Variants in ANLN observed in about 807,000 individuals in gnomAD.
ANLN encodes anillin, actin binding protein.
A neutral mutation model predicts 135.1 loss-of-function variants in ANLN; 59 were observed. The observed-to-expected ratio is 0.44, with a 90% CI of 0.35 to 0.54. The LOEUF is 0.54. Ranked by LOEUF, ANLN falls within the 20% of genes least tolerant of loss-of-function variation. The pLI, the probability that ANLN is intolerant of heterozygous loss-of-function variation, is 0.00. For missense variants in ANLN, 1,182 were observed against 1,340.0 expected (o/e 0.88, Z 1.84); for synonymous variants, 406 against 456.4 (o/e 0.89, Z 1.41).
chr7:36,448,953 G>T (rs997644331), intron 22 of ANLN: 1 of 152,216 alleles, frequency 6.6e-6, no homozygotes, highest in Non-Finnish European at 1.5e-5. Context: ...CACCAGTGAT[G>T]CATAAGAAAC....
chr7:36,449,882 T>C (rs1360605026), intron 23 of ANLN, 45 bp downstream of exon 23: 1 of 1,566,200 alleles, frequency 6.4e-7, no homozygotes, highest in African/African-American at 1.4e-5. Context: ...AGCAATTGAT[T>C]GCCCACTATG....
At chr7:36,395,685 G>A (rs540518759) in intron 1 of ANLN, among the ~76,000 whole-genome samples, 15 of 151,954 alleles carry the variant, frequency 9.9e-5, no homozygotes, top group Admixed American at 5.9e-4. Context: ...GTGCTCAGCC[G>A]GGCTGTTCTT....
At chr7:36,390,086 C>T in intron 1 of ANLN, 42 bp downstream of exon 1, 1 of 1,612,680 alleles carries the variant, frequency 6.2e-7, no homozygotes, top group East Asian at 2.2e-5. Context: ...ACCCACCGCT[C>T]TAGGCCCCCA....
In ANLN at chr7:36,396,369, G is replaced by T; in HGVS notation, c.122G>T (p.Arg41Ile). ...PRSMTHAKRARQPLSEASNQQ... is the reference protein window; with the variant it reads ...PRSMTHAKRAIQPLSEASNQQ... ...TCTATGACTCATGCTAAGCGAGCTAGACAGCCACTTTCAGAAGCAAGTAAC... is the reference window on the plus strand; with the variant it reads ...TCTATGACTCATGCTAAGCGAGCTATACAGCCACTTTCAGAAGCAAGTAAC... Residue 41 changes from arginine to isoleucine, a missense_variant, in exon 2 of 24, where the codon AGA becomes ATA. Arg to Ile is a moderately conservative substitution (Grantham distance 97). Around this residue, in one of 3 missense-constraint regions of ANLN, gnomAD observed 1,022 missense variants for 1,134.0 expected, o/e 0.90. Transcript: ENST00000265748. The T allele has an allele frequency of 6.2e-7, 1 of 1,603,274 alleles. No homozygotes were observed. The highest frequency in any genetic ancestry group is 8.5e-7 in the Non-Finnish European group (1 of 1,171,634).
chr7:36,450,531 T>C (rs945489791), intron 23 of ANLN, among the ~76,000 whole-genome samples: 2 of 152,032 alleles, frequency 1.3e-5, no homozygotes, highest in African/African-American at 2.4e-5. Context: ...AATGTGAAAA[T>C]ATTAGAAAGC....
At chr7:36,424,434 G>C (rs1787998518) in intron 15 of ANLN, 111 bp from the exon 16 acceptor site, 2 of 846,058 alleles carry the variant, frequency 2.4e-6, no homozygotes, top group Non-Finnish European at 3.5e-6. Flanking sequence ...TGACTTTAAA[G>C]TCATAGTGGA....
At chr7:36,398,471 C>A (rs1292865979) in intron 2 of ANLN, among the ~76,000 whole-genome samples, 1 of 152,168 alleles carries the variant, frequency 6.6e-6, no homozygotes, top group Non-Finnish European at 1.5e-5. Context: ...TTTTTCTTAT[C>A]TGAAGATGAG....
intron 9 of ANLN, among the ~76,000 whole-genome samples, chr7:36,417,662 C>T (rs958786015): frequency 2.7e-5 from 4 of 149,582 alleles, no homozygotes; most frequent in Non-Finnish European, 4.4e-5. Context: ...AAGTCCAGGC[C>T]TCTCAAACTT....
At chr7:36,402,653 G>A (rs534169111) in intron 3 of ANLN, among the ~76,000 whole-genome samples, 1 of 152,114 alleles carries the variant, frequency 6.6e-6, no homozygotes, top group African/African-American at 2.4e-5. Flanking sequence ...TGTAACTCTT[G>A]CTTTTCTACT....
At chr7:36,439,405 T>A in intron 21 of ANLN, 115 bp downstream of exon 21, 1 of 649,888 alleles carries the variant, frequency 1.5e-6, no homozygotes, top group Non-Finnish European at 2.6e-6. Context: ...TCAGTAAAGA[T>A]TTGTTTTATG....
At chr7:36,421,098 C>G (rs1401841088) in intron 12 of ANLN, among the ~76,000 whole-genome samples, 1 of 151,050 alleles carries the variant, frequency 6.6e-6, no homozygotes, top group African/African-American at 2.4e-5. Flanking sequence ...CAGCATTTTG[C>G]TCTTTGTTGC....
At chr7:36,418,301 G>T (rs1204365817) in intron 9 of ANLN, among the ~76,000 whole-genome samples, 1 of 152,220 alleles carries the variant, frequency 6.6e-6, no homozygotes, top group Non-Finnish European at 1.5e-5. Context: ...TGAGGTGGGT[G>T]TGGGGGTCGT....
chr7:36,398,692 G>T (rs908297630), intron 2 of ANLN, among the ~76,000 whole-genome samples: 1 of 152,100 alleles, frequency 6.6e-6, no homozygotes, highest in Non-Finnish European at 1.5e-5. Context: ...GTGGTGATTT[G>T]TGAGATTTTG....
intron 1 of ANLN, among the ~76,000 whole-genome samples, chr7:36,391,305 C>T (rs932401080): frequency 6.6e-6 from 1 of 152,156 alleles, no homozygotes; most frequent in African/African-American, 2.4e-5. Flanking sequence ...AACTAGAATA[C>T]GATTCCTTAA....
chr7:36,444,446 A>AT (rs1424538644), intron 22 of ANLN, among the ~76,000 whole-genome samples: 4 of 151,914 alleles, frequency 2.6e-5, no homozygotes, highest in Admixed American at 2.0e-4. Context: ...GTTTAATTAT[A>AT]TTTTTTGTTG....
chr7:36,451,517 T>G lies in ANLN; in HGVS notation c.3252-960T>G, dbSNP rs1035066849. Among the ~76,000 whole-genome samples the G allele has an allele frequency of 1.4e-4, 21 of 152,342 alleles. 1 individual carries two copies. The highest frequency in any genetic ancestry group is 9.8e-4 in the Admixed American group (15 of 15,302). On this transcript the variant is annotated intron_variant, in intron 23 of 23. Transcript: ENST00000265748. ...ATAACCTCCACAGTGACTAGAGATT[T>G]TTTTTATTTTTATTAGCCTCTTGAA...
chr7:36,435,385 TG>T (rs112527351), intron 20 of ANLN, among the ~76,000 whole-genome samples: 36,561 of 143,246 alleles, frequency 0.26, 4,590 homozygotes, highest in East Asian at 0.43. Context: ...ATAGAGATGG[TG>T]GGGGGGGGGT....
chr7:36,423,874 C>T lies in ANLN; in HGVS notation c.2534C>T (p.Ala845Val). ...ILKAGAENMVATPLASTSNSL... is the reference protein window; with the variant it reads ...ILKAGAENMVVTPLASTSNSL... Reference sequence around the variant, plus strand: ...AAAGCAGGAGCTGAAAATATGGTAGCCACACCATTAGCAAGTACTTCAAAC... The same window carrying T: ...AAAGCAGGAGCTGAAAATATGGTAGTCACACCATTAGCAAGTACTTCAAAC... Residue 845 changes from alanine (A) to valine (V), a missense_variant, in exon 15 of 24, where the codon GCC (alanine) becomes GTC (valine). By Grantham distance (64) the Ala-to-Val change is moderately conservative. This residue lies in a region of ANLN where 1,022 missense variants were observed against 1,134.0 expected (regional missense o/e 0.90). Coordinates refer to ENST00000265748, the MANE Select transcript of ANLN (RefSeq NM_018685.5). 2 of 1,612,436 alleles carry T rather than the reference C, an allele frequency of 1.2e-6. No homozygotes were observed. Among genetic ancestry groups the T allele is most frequent in the Middle Eastern group, 1.7e-4 (1 of 6,052 alleles).
chr7:36,415,747 G>A lies in ANLN; in HGVS notation c.1396-11G>A, dbSNP rs771751835. 21 of 1,565,308 alleles carry A rather than the reference G, an allele frequency of 1.3e-5. No homozygotes were observed. Among genetic ancestry groups the A allele is most frequent in the East Asian group, 6.8e-5 (3 of 44,094 alleles). ...GAGAAATAAAATTTACTTTTCATTC[G>A]CTTTTTGCAGGAAACTCACTGTCAG... On this transcript the variant is annotated splice_polypyrimidine_tract_variant and intron_variant, in intron 7 of 23. Coordinates refer to ENST00000265748, the MANE Select transcript of ANLN (RefSeq NM_018685.5).
Sources: gnomAD v4.1 joint callset for allele counts (sites outside exome capture counted in the v4.1 genomes callset) on GRCh38, gnomAD v4.1.1 for gene constraint, gnomAD v4.1.1 regional missense constraint, MANE v1.5 for transcripts, NCBI Gene and HGNC (gene_info 2026-07-23, HGNC 2026-07-21) for gene names.